Variants in RASA3 observed in about 807,000 individuals in gnomAD.
The protein encoded by RASA3 is ras GTPase-activating protein 3.
Under a neutral mutation model 110.0 loss-of-function variants are expected in RASA3, and 73 were observed. That is an observed-to-expected ratio of 0.66 (90% CI 0.55 to 0.81). The LOEUF (loss-of-function observed/expected upper bound fraction) is 0.81. Ranked by LOEUF, RASA3 falls within the 30% of genes least tolerant of loss-of-function variation. RASA3 has a pLI of 0.00. For missense variants in RASA3, 976 were observed against 1,113.2 expected (o/e 0.88, Z 1.75); for synonymous variants, 500 against 451.4 (o/e 1.11, Z -1.37).
intron 10 of RASA3, 62 bp downstream of exon 10, chr13:114,018,701 G>A (rs1385868854): frequency 6.3e-7 from 1 of 1,587,374 alleles, no homozygotes; most frequent in South Asian, 1.1e-5. Flanking sequence ...CGGGTGTAGG[G>A]TGGGGCCCCA....
chr13:114,040,939 C>T (rs1012552923), intron 4 of RASA3, 61 bp downstream of exon 4: 15 of 1,513,218 alleles, frequency 9.9e-6, no homozygotes, highest in African/African-American at 5.5e-5. Context: ...GAGCCGGGCC[C>T]GTCTCGAAGC....
chr13:114,132,469 C>A lies in RASA3; in HGVS notation c.21G>T (p.Gly7=). Residue 7 remains glycine, a synonymous_variant, in exon 1 of 24, where the codon GGG becomes GGT. Transcript: ENST00000334062. ...TCTTCACGCTCTGGAAGACCCGGAGCCCCTCGTCCTCCACCGCCATGCTGC... is the reference window on the plus strand; with the variant it reads ...TCTTCACGCTCTGGAAGACCCGGAGACCCTCGTCCTCCACCGCCATGCTGC... MAVEDE[G]LRVFQSVKIK... is the part of the protein sequence containing the mutation. The A allele has an allele frequency of 6.6e-7, 1 of 1,511,980 alleles. No individual in the cohort carries two copies. Among genetic ancestry groups the A allele is most frequent in the Non-Finnish European group, 8.8e-7 (1 of 1,136,376 alleles). The allele number at this position is 1,511,980 out of a possible 1,614,324, so 93.7% of individuals were successfully genotyped here.
At chr13:114,082,991 A>T (rs1439099705) in intron 1 of RASA3, among the ~76,000 whole-genome samples, 1 of 152,236 alleles carries the variant, frequency 6.6e-6, no homozygotes, top group Non-Finnish European at 1.5e-5. Flanking sequence ...TTTGACAAAC[A>T]GAGGCAACGC....
At chr13:114,130,638 T>C (rs1277417586) in intron 1 of RASA3, among the ~76,000 whole-genome samples, 4 of 152,162 alleles carry the variant, frequency 2.6e-5, no homozygotes, top group African/African-American at 9.7e-5. Context: ...TGGTCTTCCC[T>C]CGCCCTCCTG....
chr13:114,052,037 T>TC lies in RASA3; in HGVS notation c.277+14dup, dbSNP rs757349591. 45 of 1,553,592 alleles carry TC rather than the reference T, an allele frequency of 2.9e-5. No homozygotes were observed. Among genetic ancestry groups the TC allele is most frequent in the Middle Eastern group, 1.7e-4 (1 of 5,972 alleles). ...CAGGCAGAAAAGGGGAAGTAAATGC[T>TC]CATTCATCACCTACCTATGATGGAA... On this transcript the variant is annotated intron_variant, in intron 3 of 23. Coordinates refer to ENST00000334062, the MANE Select transcript of RASA3 (RefSeq NM_007368.4).
rs1594324044 is a variant in RASA3, at chr13:114,014,414, G to A, written c.1405+795C>T. On this transcript the variant is annotated intron_variant, in intron 14 of 23. Transcript: ENST00000334062. The surrounding 1 kb of genome is among the most constrained non-coding windows in gnomAD (Gnocchi z 4.5). Reference sequence around the variant, plus strand: ...AGAATCAGGGGTGGGGACAGCGTTTGTCTCCTGGGGACACAGAAGCGTGGA... The same window carrying A: ...AGAATCAGGGGTGGGGACAGCGTTTATCTCCTGGGGACACAGAAGCGTGGA... Among the ~76,000 whole-genome samples the A allele has an allele frequency of 6.6e-6, 1 of 152,322 alleles. No individual in the cohort carries two copies. Among genetic ancestry groups the A allele is most frequent in the East Asian group, 1.9e-4 (1 of 5,168 alleles).
intron 8 of RASA3, among the ~76,000 whole-genome samples, chr13:114,024,078 C>T (rs1173144132): frequency 1.3e-5 from 2 of 152,242 alleles, no homozygotes; most frequent in East Asian, 3.8e-4. Context: ...TTCGCCTCTT[C>T]GCAGGTATTG....
rs894754718 is a variant in RASA3 at position 114,121,480 on chromosome 13, C to T, written c.55+10955G>A. On this transcript the variant is annotated intron_variant, in intron 1 of 23. Transcript: ENST00000334062. ...CCACCGGAGCCTCCCTTACCTCCACCCAACACTGCACATCAAGCCGTGCAA... is the reference window on the plus strand; with the variant it reads ...CCACCGGAGCCTCCCTTACCTCCACTCAACACTGCACATCAAGCCGTGCAA... Among the ~76,000 whole-genome samples, 4 of 152,330 alleles carry T rather than the reference C, an allele frequency of 2.6e-5. No homozygotes were observed. In the South Asian group the frequency reaches 8.3e-4, roughly 32 times the overall value.
chr13:114,118,296 C>T (rs1358349442), intron 1 of RASA3, among the ~76,000 whole-genome samples: 3 of 152,132 alleles, frequency 2.0e-5, no homozygotes, highest in African/African-American at 7.2e-5. Flanking sequence ...CCCACCCCCG[C>T]CTGTGTGACT....
At position 113,978,068 on chromosome 13, in the gene RASA3, C is replaced by T. The variant is rs962691753; in HGVS notation, c.*1279G>A. On this transcript the variant is annotated 3_prime_UTR_variant, in exon 24 of 24. Transcript: ENST00000334062. ...GGATACGTCGTGCTGTGTATTTAAA[C>T]GGCGCTTCCCACACACCTGCCGTCT... 1.3e-5 allele frequency: 2 copies of T among 152,218 alleles called. No homozygotes were observed. The highest frequency in any genetic ancestry group is 6.5e-5 in the Admixed American group (1 of 15,280). The allele number at this position is 152,218 out of a possible 1,614,324, so 9.4% of individuals were successfully genotyped here.
intron 1 of RASA3, among the ~76,000 whole-genome samples, chr13:114,099,320 G>A (rs1342292496): frequency 1.3e-5 from 2 of 152,050 alleles, no homozygotes; most frequent in Admixed American, 6.5e-5. Context: ...GCTCCTCCCT[G>A]CATGGGGACA....
At position 114,013,501 on chromosome 13, in the gene RASA3, CTCCCTCT is replaced by C. The variant is rs1275548854; in HGVS notation, c.1406-260_1406-254del. 5.5e-5 allele frequency among the ~76,000 whole-genome samples: 8 copies of C among 146,644 alleles called. No individual in the cohort carries two copies. In the East Asian group the frequency reaches 1.3e-3, roughly 23 times the overall value. ...TCTCCGTATCTCTGTCTCTCTCTCT[CTCCCTCT>C]ATTTGTCTCTCTCTCATCTCTCTGT... On this transcript the variant is annotated intron_variant, in intron 14 of 23. Transcript: ENST00000334062.
intron 15 of RASA3, among the ~76,000 whole-genome samples, chr13:114,012,698 C>CATTCCACACACA (rs1215501632): frequency 7.4e-6 from 1 of 135,848 alleles, no homozygotes; most frequent in Admixed American, 7.4e-5. Flanking sequence ...TCCACACACT[C>CATTCCACACACA]CTCATTCCAC....
intron 2 of RASA3, among the ~76,000 whole-genome samples, chr13:114,055,569 C>G (rs762381702): frequency 3.3e-5 from 5 of 152,204 alleles, no homozygotes; most frequent in African/African-American, 1.2e-4. Flanking sequence ...ACAGGACAAG[C>G]GTTAACAATT....
chr13:114,106,108 C>T (rs2080132450), intron 1 of RASA3, among the ~76,000 whole-genome samples: 1 of 152,162 alleles, frequency 6.6e-6, no homozygotes, highest in East Asian at 1.9e-4. Context: ...TCCGGATGGG[C>T]GCATGGCAGA....
At position 114,057,990 on chromosome 13, in the gene RASA3, T is replaced by C. The variant is rs2079273752; in HGVS notation, c.174-5835A>G. Among the ~76,000 whole-genome samples the C allele has an allele frequency of 6.6e-6, 1 of 151,762 alleles. No individual in the cohort carries two copies. The highest frequency in any genetic ancestry group is 1.5e-5 in the Non-Finnish European group (1 of 67,920). On this transcript the variant is annotated intron_variant, in intron 2 of 23. Transcript: ENST00000334062. This position sits in a 1 kb window ranked among gnomAD's most constrained non-coding sequence, Gnocchi z 5.0. ...GGGAGGTCGGAGTCCCGGAGGTGGG[T>C]GGGGGTGGTGAGTTCCCAGGTCACT...
chr13:114,011,054 A>C lies in RASA3; in HGVS notation c.1590+117T>G. 9.9e-7 allele frequency: 1 copy of C among 1,006,622 alleles called. No individual in the cohort carries two copies. The highest frequency in any genetic ancestry group is 1.5e-6 in the Non-Finnish European group (1 of 657,682). 62.4% of individuals were successfully genotyped at this position (1,006,622 alleles called of 1,614,324 possible). A position where few individuals can be genotyped will look rare whatever the true frequency, so the allele number is the denominator to read the frequency against. Reference sequence around the variant, plus strand: ...AAGAGAGGATGTGGTGCCGGCTTTGATTCTTGATCTTTATCTTACGACTCT... The same window carrying C: ...AAGAGAGGATGTGGTGCCGGCTTTGCTTCTTGATCTTTATCTTACGACTCT... On this transcript the variant is annotated intron_variant, in intron 16 of 23. Coordinates refer to ENST00000334062, the MANE Select transcript of RASA3 (RefSeq NM_007368.4). The surrounding 1 kb of genome is among the most constrained non-coding windows in gnomAD (Gnocchi z 4.8).
chr13:114,124,808 C>T (rs998957205), intron 1 of RASA3, among the ~76,000 whole-genome samples: 4 of 152,246 alleles, frequency 2.6e-5, no homozygotes, highest in African/African-American at 7.2e-5. Flanking sequence ...TCGGCCTTGG[C>T]GTCCTCCACA....
chr13:114,060,319 A>G (rs1249881198), intron 2 of RASA3, among the ~76,000 whole-genome samples: 1 of 152,152 alleles, frequency 6.6e-6, no homozygotes, highest in Non-Finnish European at 1.5e-5. Flanking sequence ...CCCGTGCAAG[A>G]CACTGGATGG....
Sources: allele counts gnomAD v4.1 joint callset (sites outside exome capture counted in the v4.1 genomes callset), GRCh38; gene constraint gnomAD v4.1.1; non-coding constraint Gnocchi (gnomAD v3.1); transcripts MANE v1.5; gene names NCBI Gene and HGNC (gene_info 2026-07-23, HGNC 2026-07-21).